UNC5C: variants seen among roughly 807,000 people sequenced by gnomAD.
The protein encoded by UNC5C is unc-5 netrin receptor C.
A neutral mutation model predicts 99.8 loss-of-function variants in UNC5C; 47 were observed. The observed-to-expected ratio is 0.47, with a 90% confidence interval of 0.37 to 0.60. The LOEUF (loss-of-function observed/expected upper bound fraction) is 0.60, where lower values mean the gene tolerates loss of function less well. Ranked by LOEUF, UNC5C falls within the 20% of genes least tolerant of loss-of-function variation. The pLI is 0.00. For missense variants in UNC5C, 1,062 were observed against 1,165.9 expected, an observed-to-expected ratio of 0.91 and a Z score of 1.30; for synonymous variants, 487 against 452.2, an observed-to-expected ratio of 1.08 and a Z score of -0.98.
At chr4:95,287,714 T>C (rs779083149) in intron 3 of UNC5C, among the ~76,000 whole-genome samples, 5 of 152,206 alleles carry the variant, frequency 3.3e-5, no homozygotes, top group Non-Finnish European at 5.9e-5. Context: ...TGAATCTGCA[T>C]CCTCAGCCTA....
chr4:95,299,044 A>G (rs1434184041), intron 3 of UNC5C, among the ~76,000 whole-genome samples: 1 of 152,166 alleles, frequency 6.6e-6, no homozygotes, highest in Non-Finnish European at 1.5e-5. Flanking sequence ...TTATTGGCTG[A>G]ACTACATCCC....
chr4:95,250,365 A>G, intron 5 of UNC5C, 122 bp downstream of exon 5: 1 of 1,062,800 alleles, frequency 9.4e-7, no homozygotes, highest in Non-Finnish European at 1.3e-6. Context: ...AGCCTGGGTG[A>G]CAGAGCAAGA....
intron 1 of UNC5C, among the ~76,000 whole-genome samples, chr4:95,381,982 A>G (rs1332109664): frequency 6.6e-6 from 1 of 152,116 alleles, no homozygotes; most frequent in African/African-American, 2.4e-5. Context: ...TAGGGTTACT[A>G]AGGCATCCAC....
intron 1 of UNC5C, among the ~76,000 whole-genome samples, chr4:95,424,518 C>CTTTCTTTTTTTTTTTTT (rs1746411107): frequency 1.0e-4 from 7 of 67,962 alleles, no homozygotes; most frequent in Non-Finnish European, 1.6e-4. Context: ...TTTTTCTTTT[C>CTTTCTTTTTTTTTTTTT]TTTTTTTTTT....
chr4:95,543,667 T>C (rs559339083), intron 1 of UNC5C, among the ~76,000 whole-genome samples: 1 of 152,206 alleles, frequency 6.6e-6, no homozygotes, highest in Non-Finnish European at 1.5e-5. Context: ...TCAGAAATCC[T>C]GGGGTGTACC....
intron 1 of UNC5C, among the ~76,000 whole-genome samples, chr4:95,525,601 A>G (rs1278229410): frequency 7.4e-5 from 11 of 147,688 alleles, no homozygotes; most frequent in Non-Finnish European, 1.5e-4. Context: ...TTTCTTAAAA[A>G]AAAAAAAAAA....
chr4:95,475,549 GGATA>G lies in UNC5C; in HGVS notation c.124+73181_124+73184del, dbSNP rs371547165. On this transcript the variant is annotated intron_variant, in intron 1 of 15. Coordinates refer to ENST00000453304, the MANE Select transcript of UNC5C (RefSeq NM_003728.4). ...AAGACAGACAGATAGACAGACAGAT[GGATA>G]GATAGATAGATATTTGAAATAGATA... Among the ~76,000 whole-genome samples the G allele has an allele frequency of 6.0e-3, 911 of 151,444 alleles. 7 individuals are homozygous for G. The highest frequency in any genetic ancestry group is 8.8e-3 in the Non-Finnish European group (597 of 67,884).
chr4:95,169,543 C>T (rs1736003905), intron 15 of UNC5C, 144 bp from the exon 16 acceptor site: 13 of 867,220 alleles, frequency 1.5e-5, no homozygotes, highest in Non-Finnish European at 1.2e-5. Flanking sequence ...ATAACTAGCC[C>T]ATGCTTAATT....
At chr4:95,311,757 A>C (rs1015141835) in intron 2 of UNC5C, among the ~76,000 whole-genome samples, 2 of 152,174 alleles carry the variant, frequency 1.3e-5, no homozygotes, top group Non-Finnish European at 2.9e-5. Context: ...AAGAAAGAAG[A>C]TATCACCTTG....
chr4:95,339,876 C>T (rs1477687166), intron 1 of UNC5C, among the ~76,000 whole-genome samples: 2 of 140,462 alleles, frequency 1.4e-5, no homozygotes, highest in East Asian at 3.9e-4. Context: ...TCAGTATTAA[C>T]TTAACGCATT....
chr4:95,285,086 A>G (rs917409004), intron 3 of UNC5C, among the ~76,000 whole-genome samples: 2 of 152,336 alleles, frequency 1.3e-5, no homozygotes, highest in Non-Finnish European at 2.9e-5. Context: ...GAAGATAAGC[A>G]TGTTTTATTC....
rs754245479 is a variant in UNC5C at position 95,421,450 on chromosome 4, A to G, written c.125-85819T>C. Among the ~76,000 whole-genome samples the G allele has an allele frequency of 9.2e-5, 14 of 151,932 alleles. No individual in the cohort carries two copies. The Middle Eastern group carries it at 0.024, about 260-fold the overall frequency. ...TATCCAACATATTTATCGAACATCT[A>G]TTTGAATGCTTGTTGTTCTTTCAGG... On this transcript the variant is annotated intron_variant, in intron 1 of 15. Transcript: ENST00000453304.
chr4:95,321,975 GAAATCAAAT>G (rs1276810543), intron 2 of UNC5C, among the ~76,000 whole-genome samples: 2 of 152,124 alleles, frequency 1.3e-5, no homozygotes, highest in Non-Finnish European at 2.9e-5. Flanking sequence ...CTCTGAGAAA[GAAATCAAAT>G]AAATAATTGA....
At chr4:95,326,978 C>A (rs1030122298) in intron 2 of UNC5C, among the ~76,000 whole-genome samples, 1 of 152,090 alleles carries the variant, frequency 6.6e-6, no homozygotes, top group African/African-American at 2.4e-5. Context: ...AACTTGTTTG[C>A]AATGTCTTTT....
chr4:95,222,298 G>A, intron 7 of UNC5C: 3 of 1,330,630 alleles, frequency 2.3e-6, no homozygotes, highest in East Asian at 2.7e-5. Context: ...AACAAAAATG[G>A]GAACAAAATC....
chr4:95,383,180 A>G (rs960757244), intron 1 of UNC5C, among the ~76,000 whole-genome samples: 1 of 152,182 alleles, frequency 6.6e-6, no homozygotes, highest in African/African-American at 2.4e-5. Flanking sequence ...AAGAAAAAGT[A>G]TATCACCAAC....
At chr4:95,184,946 A>T (rs547439664) in intron 13 of UNC5C, 101 bp downstream of exon 13, 7 of 1,282,964 alleles carry the variant, frequency 5.5e-6, no homozygotes, top group African/African-American at 4.5e-5. Context: ...AAGTAATGAC[A>T]TATGATTAAT....
At chr4:95,194,506 G>A (rs1454480328) in intron 12 of UNC5C, among the ~76,000 whole-genome samples, 1 of 152,116 alleles carries the variant, frequency 6.6e-6, no homozygotes, top group Non-Finnish European at 1.5e-5. Flanking sequence ...GCCCCGAGAG[G>A]AGAATCTGTA....
chr4:95,225,975 G>A (rs1246556890), intron 7 of UNC5C, among the ~76,000 whole-genome samples: 1 of 152,154 alleles, frequency 6.6e-6, no homozygotes, highest in Non-Finnish European at 1.5e-5. Flanking sequence ...ATCACTTTCT[G>A]GAGTTTGTTT....
Sources: gnomAD v4.1 joint callset for allele counts (sites outside exome capture counted in the v4.1 genomes callset) on GRCh38, gnomAD v4.1.1 for gene constraint, MANE v1.5 for transcripts, NCBI Gene and HGNC (gene_info 2026-07-23, HGNC 2026-07-21) for gene names.